The following TXK variants were observed in gnomAD, a reference collection of about 807,000 sequenced individuals.
TXK encodes tyrosine-protein kinase TXK.
A neutral mutation model predicts 81.0 loss-of-function variants in TXK; 60 were observed. The observed-to-expected ratio is 0.74, with a 90% CI of 0.60 to 0.92. The LOEUF (loss-of-function observed/expected upper bound fraction) is 0.92. Ranked by LOEUF, TXK falls within the 40% of genes least tolerant of loss-of-function variation. TXK has a pLI of 0.00. For missense variants in TXK, 581 were observed against 638.3 expected (o/e 0.91, Z 0.97); for synonymous variants, 203 against 210.7 (o/e 0.96, Z 0.32).
At position 48,086,509 on chromosome 4, in the gene TXK, A is replaced by C; in HGVS notation, c.913T>G (p.Ser305Ala). The change falls in exon 10 of 15, where the codon TCC (serine) becomes GCC (alanine). Residue 305 changes from serine to alanine, a missense_variant. Ser to Ala is a moderately conservative substitution (Grantham distance 99, BLOSUM62 1). Coordinates refer to ENST00000264316, the MANE Select transcript of TXK (RefSeq NM_003328.3). ...TCAATGAAATCCTCTTCAGACATGG[A>C]GCCTTCATTGATGGCCTTGATAGCT... ...QVAIKAINEGSMSEEDFIEEA... is the reference protein window; with the variant it reads ...QVAIKAINEGAMSEEDFIEEA... 6.2e-7 allele frequency: 1 copy of C among 1,614,070 alleles called. No individual in the cohort carries two copies. The highest frequency in any genetic ancestry group is 1.1e-5 in the South Asian group (1 of 91,076).
At chr4:48,112,160 C>A in intron 4 of TXK, 147 bp downstream of exon 4, 1 of 726,218 alleles carries the variant, frequency 1.4e-6, no homozygotes. Context: ...TGCCTGAAAT[C>A]ACTGTTCTCT....
At position 48,112,501 on chromosome 4, in the gene TXK, G is replaced by C. The variant is rs1338032938; in HGVS notation, c.186C>G (p.Gly62=). Residue 62 remains glycine (G), a synonymous_variant, in exon 4 of 15, where the codon GGC becomes GGG. Transcript: ENST00000264316. Reference sequence around the variant, plus strand: ...GCTTTCGTTTTGACGGCTGCACACGGCCCGTGTTGGACTGTGAAAACCAAT... The same window carrying C: ...GCTTTCGTTTTGACGGCTGCACACGCCCCGTGTTGGACTGTGAAAACCAAT... ...QLSNKKQSNT[G]RVQPSKRKPL... The C allele has an allele frequency of 6.2e-7, 1 of 1,613,686 alleles. No homozygotes were observed. The highest frequency in any genetic ancestry group is 2.2e-5 in the East Asian group (1 of 44,886).
intron 9 of TXK, among the ~76,000 whole-genome samples, chr4:48,087,582 C>T (rs531117819): frequency 2.6e-5 from 4 of 151,960 alleles, no homozygotes; most frequent in Admixed American, 6.6e-5. Context: ...ATTACAGGCA[C>T]GCCATCACGC....
rs1310333607 is a variant in TXK at position 48,076,945 on chromosome 4, T to A, written c.1174-479A>T. ...TGCCCAGGCTGCCCTCAGGATTAAT[T>A]CAATCTGAAAGATGATACAACTATG... On this transcript the variant is annotated intron_variant, in intron 11 of 14. Transcript: ENST00000264316. Among the ~76,000 whole-genome samples the A allele has an allele frequency of 2.6e-5, 4 of 152,278 alleles. No individual in the cohort carries two copies. The South Asian group carries it at 8.3e-4, about 32-fold the overall frequency.
intron 5 of TXK, among the ~76,000 whole-genome samples, chr4:48,106,654 C>T (rs1718470279): frequency 6.6e-6 from 1 of 151,910 alleles, no homozygotes; most frequent in African/African-American, 2.4e-5. Flanking sequence ...ATCTAGAAAC[C>T]CCATTAGATC....
intron 5 of TXK, among the ~76,000 whole-genome samples, chr4:48,110,178 A>G (rs890363747): frequency 6.6e-6 from 1 of 152,226 alleles, no homozygotes; most frequent in Non-Finnish European, 1.5e-5. Context: ...ATATAAAAAC[A>G]TAAGCCAAAA....
intron 14 of TXK, among the ~76,000 whole-genome samples, chr4:48,068,208 T>C (rs1267694396): frequency 2.0e-5 from 3 of 152,148 alleles, no homozygotes; most frequent in Non-Finnish European, 2.9e-5. Context: ...AGCACAGATA[T>C]AGAACGTTTC....
chr4:48,100,171 CAAAAA>C (rs11341305), intron 6 of TXK, among the ~76,000 whole-genome samples: 2 of 53,950 alleles, frequency 3.7e-5, no homozygotes, highest in Non-Finnish European at 6.2e-5. Flanking sequence ...GACTCCATCT[CAAAAA>C]AAAAAAAAAA....
In TXK at chr4:48,094,081, T is replaced by C; in HGVS notation, c.705A>G (p.Ala235=). Residue 235 remains alanine (A), a synonymous_variant, in exon 8 of 15, where the codon GCA becomes GCG. Coordinates refer to ENST00000264316, the MANE Select transcript of TXK (RefSeq NM_003328.3). The part of the protein sequence containing the change: ...PELIWYHQHN[A]AGLMTRLRYP... ...AGCTGGAAGTTCCCCTCTTACCGGC[T>C]GCATTGTGCTGGTGATACCAGATTA... The C allele has an allele frequency of 2.5e-6, 4 of 1,613,410 alleles. No homozygotes were observed. Among genetic ancestry groups the C allele is most frequent in the Non-Finnish European group, 3.4e-6 (4 of 1,180,032 alleles).
chr4:48,069,326 CTTTTT>C (rs376924565), intron 14 of TXK, among the ~76,000 whole-genome samples: 7 of 95,828 alleles, frequency 7.3e-5, no homozygotes, highest in African/African-American at 2.9e-4. Context: ...CTTTTCTTTT[CTTTTT>C]TTTTTTTTTT....
chr4:48,095,136 T>C lies in TXK; in HGVS notation c.581+7A>G. Reference sequence around the variant, plus strand: ...TTTCTATAGTAACCAAAATCACAAGTGCTTACCTTCTAGCTCCCATAAATA... The same window carrying C: ...TTTCTATAGTAACCAAAATCACAAGCGCTTACCTTCTAGCTCCCATAAATA... On this transcript the variant is annotated splice_region_variant and intron_variant, in intron 7 of 14. Transcript: ENST00000264316. 1 of 1,606,708 alleles carries C rather than the reference T, an allele frequency of 6.2e-7. No individual in the cohort carries two copies. The highest frequency in any genetic ancestry group is 8.5e-7 in the Non-Finnish European group (1 of 1,173,458).
At chr4:48,088,207 T>A (rs1181214414) in intron 9 of TXK, among the ~76,000 whole-genome samples, 1 of 152,214 alleles carries the variant, frequency 6.6e-6, no homozygotes, top group Non-Finnish European at 1.5e-5. Context: ...ACTTACATAT[T>A]GTTGATGGGA....
At chr4:48,117,511 G>C (rs1718844726) in intron 1 of TXK, among the ~76,000 whole-genome samples, 1 of 152,150 alleles carries the variant, frequency 6.6e-6, no homozygotes, top group Non-Finnish European at 1.5e-5. Context: ...TATAAATTCA[G>C]TAGTACAAGG....
At chr4:48,117,986 T>A (rs944377137) in intron 1 of TXK, among the ~76,000 whole-genome samples, 4 of 152,180 alleles carry the variant, frequency 2.6e-5, no homozygotes, top group Non-Finnish European at 5.9e-5. Flanking sequence ...CAATCTCTGG[T>A]TATATCTTCC....
intron 14 of TXK, among the ~76,000 whole-genome samples, chr4:48,070,729 C>T (rs1392419400): frequency 1.3e-5 from 2 of 151,844 alleles, no homozygotes; most frequent in African/African-American, 4.8e-5. Flanking sequence ...CAGGCATGCA[C>T]CACCAGGCCT....
intron 1 of TXK, among the ~76,000 whole-genome samples, chr4:48,132,985 A>AC (rs1719284452): frequency 6.6e-6 from 1 of 152,028 alleles, no homozygotes; most frequent in Non-Finnish European, 1.5e-5. Flanking sequence ...CCTGCGTCTG[A>AC]CAACCATATG....
Position 48,094,059 on chromosome 4 carries a change from T to A in TXK, c.709+18A>T, listed in dbSNP as rs370605099. 50 of 1,612,916 alleles carry A rather than the reference T, an allele frequency of 3.1e-5. No homozygotes were observed. The highest frequency in any genetic ancestry group is 8.3e-5 in the Admixed American group (5 of 60,004). On this transcript the variant is annotated intron_variant, in intron 8 of 14. Transcript: ENST00000264316. ...GGCATGGCTCCCTGACTCACCCAGC[T>A]GGAAGTTCCCCTCTTACCGGCTGCA... is the stretch of plus-strand genomic sequence containing the variant.
chr4:48,099,639 T>C (rs949726160), intron 6 of TXK, among the ~76,000 whole-genome samples: 1 of 152,102 alleles, frequency 6.6e-6, no homozygotes, highest in Admixed American at 6.6e-5. Context: ...AAAAGAATAA[T>C]GAGGGAGGCT....
In TXK at chr4:48,071,506, CAT is replaced by C. The variant is rs777503239; in HGVS notation, c.1515+9_1515+10del. 15 of 1,608,026 alleles carry C rather than the reference CAT, an allele frequency of 9.3e-6. No homozygotes were observed. The highest frequency in any genetic ancestry group is 1.7e-4 in the Middle Eastern group (1 of 6,060). On this transcript the variant is annotated intron_variant, in intron 14 of 14. Transcript: ENST00000264316. ...ACTGCCAACCTTCATAGGAAAGTAA[CAT>C]ATGCTTACCTCATGCCAGCAGCTGT... is the stretch of plus-strand genomic sequence containing the variant.
Sources: allele counts gnomAD v4.1 joint callset (sites outside exome capture counted in the v4.1 genomes callset), GRCh38; gene constraint gnomAD v4.1.1; transcripts MANE v1.5; gene names NCBI Gene and HGNC (gene_info 2026-07-23, HGNC 2026-07-21).